The following CDC5L variants were observed in gnomAD, a reference collection of about 807,000 sequenced individuals.
CDC5L encodes cell division cycle 5 like.
CDC5L carries 18 observed loss-of-function variants against 104.1 expected under a neutral mutation model. The observed-to-expected ratio is 0.17, with a 90% CI of 0.12 to 0.26. The LOEUF (loss-of-function observed/expected upper bound fraction) is 0.26, where lower values mean the gene tolerates loss of function less well. CDC5L is among the 10% of genes least tolerant of loss of function. The pLI is 1.00. For missense variants in CDC5L, 673 were observed against 956.9 expected (o/e 0.70, Z 3.91); for synonymous variants, 331 against 322.7 (o/e 1.03, Z -0.28).
chr6:44,429,604 A>C, intron 13 of CDC5L, 109 bp from the exon 14 acceptor site: 7 of 877,032 alleles, frequency 8.0e-6, no homozygotes, highest in Non-Finnish European at 8.8e-6. Context: ...AACCAACCAC[A>C]TCTTGGATTT....
rs1490621948 is a variant in CDC5L at position 44,406,469 on chromosome 6, TA to T, written c.903+4del. The T allele has an allele frequency of 6.2e-7, 1 of 1,600,806 alleles. No homozygotes were observed. The highest frequency in any genetic ancestry group is 1.4e-5 in the African/African-American group (1 of 73,830). On this transcript the variant is annotated splice_donor_region_variant and intron_variant, in intron 7 of 15. Coordinates refer to ENST00000371477, the MANE Select transcript of CDC5L (RefSeq NM_001253.4). ...AAACTAGTACTTCCTGCCCCTCAGG[TA>T]ATCTGATAAAAGCAAATTTTTCACT... is the stretch of plus-strand genomic sequence containing the variant.
chr6:44,437,619 T>G (rs557111490), intron 14 of CDC5L, among the ~76,000 whole-genome samples: 121 of 152,252 alleles, frequency 7.9e-4, no homozygotes, highest in African/African-American at 2.7e-3. Context: ...AGTTTTAAAA[T>G]CTCTGATGGT....
chr6:44,447,761 G>A lies in CDC5L; in HGVS notation c.*1050G>A, dbSNP rs1299702413. The A allele has an allele frequency of 3.3e-5, 5 of 152,186 alleles. No homozygotes were observed. The highest frequency in any genetic ancestry group is 1.2e-4 in the African/African-American group (5 of 41,456). 9.4% of individuals were successfully genotyped at this position (152,186 alleles called of 1,614,324 possible). On this transcript the variant is annotated 3_prime_UTR_variant, in exon 16 of 16. Coordinates refer to ENST00000371477, the MANE Select transcript of CDC5L (RefSeq NM_001253.4). Reference sequence around the variant, plus strand: ...GTAGAGCTTATAGTCTTTTGAGAATGACAGACAATTAAAATCCAAATGTTT... The same window carrying A: ...GTAGAGCTTATAGTCTTTTGAGAATAACAGACAATTAAAATCCAAATGTTT...
chr6:44,445,580 G>A, intron 14 of CDC5L, 75 bp from the exon 15 acceptor site: 1 of 999,914 alleles, frequency 1.0e-6, no homozygotes, highest in Non-Finnish European at 1.5e-6. Context: ...ATGAACGCAT[G>A]GTACCTTTTT....
intron 4 of CDC5L, 40 bp downstream of exon 4, chr6:44,393,613 G>A: frequency 3.1e-6 from 5 of 1,587,394 alleles, no homozygotes; most frequent in Non-Finnish European, 4.3e-6. Context: ...TTTGGTAACT[G>A]TAAACTCCTT....
At chr6:44,431,238 C>G (rs963407077) in intron 14 of CDC5L, among the ~76,000 whole-genome samples, 4 of 152,092 alleles carry the variant, frequency 2.6e-5, no homozygotes, top group African/African-American at 4.8e-5. Context: ...ATGACTGGTT[C>G]TGAAGTAATT....
intron 9 of CDC5L, among the ~76,000 whole-genome samples, chr6:44,422,183 G>T (rs1218510716): frequency 6.6e-6 from 1 of 152,182 alleles, no homozygotes; most frequent in Non-Finnish European, 1.5e-5. Context: ...AAATGTAAAA[G>T]GAGGAACTAT....
intron 7 of CDC5L, 104 bp from the exon 8 acceptor site, chr6:44,408,340 A>G (rs1791470249): frequency 1.3e-6 from 1 of 769,614 alleles, no homozygotes; most frequent in Admixed American, 2.8e-5. Flanking sequence ...GGGCTCAAAC[A>G]GTTTGCCCTC....
chr6:44,422,600 C>T, intron 9 of CDC5L, 47 bp from the exon 10 acceptor site: 1 of 1,230,624 alleles, frequency 8.1e-7, no homozygotes, highest in Non-Finnish European at 1.1e-6. Context: ...AAAGCACAAT[C>T]CAAATGTAAG....
intron 8 of CDC5L, among the ~76,000 whole-genome samples, chr6:44,408,974 T>C (rs1461507495): frequency 2.0e-5 from 3 of 152,212 alleles, no homozygotes; most frequent in Admixed American, 2.0e-4. Context: ...TTTCTGTACT[T>C]AGCTTCACAT....
intron 5 of CDC5L, among the ~76,000 whole-genome samples, chr6:44,402,939 A>G (rs898898229): frequency 3.3e-5 from 5 of 152,238 alleles, no homozygotes; most frequent in Admixed American, 6.5e-5. Context: ...GCTATCTACT[A>G]TCATAAACAG....
chr6:44,425,075 T>C (rs917442875), intron 11 of CDC5L, among the ~76,000 whole-genome samples: 1 of 152,020 alleles, frequency 6.6e-6, no homozygotes, highest in Non-Finnish European at 1.5e-5. Flanking sequence ...TTAGATAGAG[T>C]GTGTCAAAAT....
At chr6:44,420,549 G>A (rs371032981) in intron 9 of CDC5L, among the ~76,000 whole-genome samples, 1 of 151,992 alleles carries the variant, frequency 6.6e-6, no homozygotes, top group East Asian at 1.9e-4. Context: ...GTAGAGACAG[G>A]GTTTCTCAGT....
At chr6:44,426,361 GA>G in intron 12 of CDC5L, 120 bp from the exon 13 acceptor site, 4 of 786,926 alleles carry the variant, frequency 5.1e-6, no homozygotes, top group Admixed American at 2.9e-5. Context: ...AATTTAGAAG[GA>G]AAAAAATGGA....
intron 4 of CDC5L, 142 bp from the exon 5 acceptor site, chr6:44,396,199 G>A (rs1790863691): frequency 4.8e-6 from 2 of 416,114 alleles, no homozygotes; most frequent in Admixed American, 9.4e-5. Context: ...AACTCAAGCT[G>A]TTTCCATTAT....
At chr6:44,446,553 AT>A (rs1444342767) in intron 15 of CDC5L, 53 bp from the exon 16 acceptor site, 3 of 782,010 alleles carry the variant, frequency 3.8e-6, no homozygotes, top group Admixed American at 2.7e-5. Flanking sequence ...AGTACTGTAG[AT>A]TTTTTTCAGT....
At chr6:44,406,250 G>C (rs925481832) in intron 6 of CDC5L, 73 bp from the exon 7 acceptor site, 2 of 1,129,404 alleles carry the variant, frequency 1.8e-6, no homozygotes, top group Non-Finnish European at 2.6e-6. Context: ...AAGGGTTTGA[G>C]TATTTGTATG....
At chr6:44,415,736 T>C (rs1293899079) in intron 8 of CDC5L, among the ~76,000 whole-genome samples, 1 of 152,196 alleles carries the variant, frequency 6.6e-6, no homozygotes, top group Non-Finnish European at 1.5e-5. Context: ...ATGTCCTAGC[T>C]ACTGGGGCAT....
intron 8 of CDC5L, among the ~76,000 whole-genome samples, chr6:44,416,800 C>T (rs748651529): frequency 1.3e-5 from 2 of 152,182 alleles, no homozygotes; most frequent in Non-Finnish European, 2.9e-5. Flanking sequence ...TGATATTTCA[C>T]GTCACCCACT....
Sources: gnomAD v4.1 joint callset for allele counts (sites outside exome capture counted in the v4.1 genomes callset) on GRCh38, gnomAD v4.1.1 for gene constraint, MANE v1.5 for transcripts, NCBI Gene and HGNC (gene_info 2026-07-23, HGNC 2026-07-21) for gene names.